The following DIDO1 variants were observed in gnomAD, a reference collection of about 807,000 sequenced individuals.
The protein encoded by DIDO1 is death inducer-obliterator 1, also known as death-inducer obliterator 1.
Under a neutral mutation model 99.4 loss-of-function variants are expected in DIDO1, and 16 were observed. The observed-to-expected ratio is 0.16, with a 90% CI of 0.11 to 0.24. The LOEUF is 0.24. Among genes scored for constraint, DIDO1 ranks in the 10% least tolerant of loss-of-function variants. The probability of loss-of-function intolerance (pLI) is 1.00; values close to 1 mark genes in which losing one functional copy is unlikely to be tolerated. For missense variants in DIDO1, 2,996 were observed against 3,014.0 expected (o/e 0.99, Z 0.14); for synonymous variants, 1,366 against 1,239.1 (o/e 1.10, Z -2.15).
At chr20:62,936,842 C>T (rs993119181) in intron 1 of DIDO1, among the ~76,000 whole-genome samples, 7 of 152,240 alleles carry the variant, frequency 4.6e-5, no homozygotes, top group Non-Finnish European at 1.0e-4. Flanking sequence ...CCAGCCTGGG[C>T]GAGAGTGAGA....
At chr20:62,882,915 CTTTTTTTTTTTTTT>C (rs10583836) in intron 15 of DIDO1, among the ~76,000 whole-genome samples, 1 of 81,358 alleles carries the variant, frequency 1.2e-5, no homozygotes, top group South Asian at 5.1e-4. Flanking sequence ...AACAAACAGC[CTTTTTTTTTTTTTT>C]TTTTTTTTTT....
At chr20:62,897,896 A>G (rs2064573791) in intron 6 of DIDO1, among the ~76,000 whole-genome samples, 1 of 152,178 alleles carries the variant, frequency 6.6e-6, no homozygotes, top group Non-Finnish European at 1.5e-5. Flanking sequence ...AGTGGAGCAG[A>G]GTGAAACGCC....
intron 1 of DIDO1, among the ~76,000 whole-genome samples, chr20:62,917,700 C>T (rs572362921): frequency 4.6e-5 from 7 of 152,236 alleles, no homozygotes; most frequent in East Asian, 1.9e-4. Context: ...TGTATGTTTG[C>T]GGGTTCCGAA....
chr20:62,903,713 C>T (rs1026900517), intron 6 of DIDO1, among the ~76,000 whole-genome samples: 20 of 152,206 alleles, frequency 1.3e-4, no homozygotes, highest in Admixed American at 8.5e-4. Flanking sequence ...AAAAGTGTGT[C>T]GTCCCCATTC....
upstream of DIDO1, among the ~76,000 whole-genome samples, chr20:62,929,620 G>C (rs1248302705): frequency 6.8e-6 from 1 of 147,482 alleles, no homozygotes. Context: ...CTTGGGGCAG[G>C]AAAAAGGAAT....
chr20:62,916,221 A>G (rs2065035242), intron 1 of DIDO1, among the ~76,000 whole-genome samples: 1 of 152,262 alleles, frequency 6.6e-6, no homozygotes, highest in South Asian at 2.1e-4. Flanking sequence ...ACTTTTCCCC[A>G]GAAAGAAAAA....
At chr20:62,929,945 C>T (rs933103794), upstream of DIDO1, among the ~76,000 whole-genome samples, 3 of 151,874 alleles carry the variant, frequency 2.0e-5, no homozygotes, top group Admixed American at 6.6e-5. Context: ...AGAATACTAA[C>T]CAGATCTGCC....
In DIDO1 at chr20:62,881,585, C is replaced by A; in HGVS notation, c.4371G>T (p.Val1457=). ...CGGCCACCGGCTCGGCAGGCCTCTC[C>A]ACGGAGTTCCTTCTCACGTCGGCAC... The part of the protein sequence containing the change: ...RMCADVRRNS[V]ERPAEPVAGA... Residue 1457 remains valine, a synonymous_variant, in exon 16 of 16, where the codon GTG becomes GTT. Coordinates refer to ENST00000395343, the MANE Select transcript of DIDO1 (RefSeq NM_001193369.2). The surrounding 1 kb of genome is among the most constrained non-coding windows in gnomAD (Gnocchi z 8.3). The A allele has an allele frequency of 6.2e-7, 1 of 1,611,664 alleles. No homozygotes were observed. Among genetic ancestry groups the A allele is most frequent in the Non-Finnish European group, 8.5e-7 (1 of 1,180,014 alleles).
In DIDO1 at chr20:62,878,555, CTT is replaced by C. The variant is rs1332601381; in HGVS notation, c.*676_*677del. On this transcript the variant is annotated 3_prime_UTR_variant, in exon 16 of 16. Coordinates refer to ENST00000395343, the MANE Select transcript of DIDO1 (RefSeq NM_001193369.2). Reference sequence around the variant, plus strand: ...TGTTACTTTTTTTAGGCTGGTAAAACTTAACATTTTTCAATAAATTGTTATTT... The same window carrying C: ...TGTTACTTTTTTTAGGCTGGTAAAACAACATTTTTCAATAAATTGTTATTT... 6.6e-6 allele frequency: 1 copy of C among 152,160 alleles called. No homozygotes were observed. The highest frequency in any genetic ancestry group is 1.5e-5 in the Non-Finnish European group (1 of 68,030). The allele number at this position is 152,160 out of a possible 1,614,324, so 9.4% of individuals were successfully genotyped here. A position where few individuals can be genotyped will look rare whatever the true frequency, so the allele number is the denominator to read the frequency against.
Position 62,894,621 on chromosome 20 carries a change from A to C in DIDO1, c.2437-73T>G. On this transcript the variant is annotated intron_variant, in intron 10 of 15. Transcript: ENST00000395343. This position sits in a 1 kb window ranked among gnomAD's most constrained non-coding sequence, Gnocchi z 4.4. Reference sequence around the variant, plus strand: ...CAGCTCCAAATTAACCACACACAAGAAAAGCAGTCTCATGGGATTGAGACC... The same window carrying C: ...CAGCTCCAAATTAACCACACACAAGCAAAGCAGTCTCATGGGATTGAGACC... 1 of 1,562,892 alleles carries C rather than the reference A, an allele frequency of 6.4e-7. No homozygotes were observed. Among genetic ancestry groups the C allele is most frequent in the South Asian group, 1.2e-5 (1 of 86,884 alleles).
At chr20:62,916,314 G>A (rs765538299) in intron 1 of DIDO1, among the ~76,000 whole-genome samples, 12 of 151,850 alleles carry the variant, frequency 7.9e-5, no homozygotes, top group Non-Finnish European at 1.5e-4. Flanking sequence ...ACATTTCTAA[G>A]CACATTTTTT....
At chr20:62,899,418 A>C (rs982023118) in intron 6 of DIDO1, among the ~76,000 whole-genome samples, 1 of 151,934 alleles carries the variant, frequency 6.6e-6, no homozygotes, top group Non-Finnish European at 1.5e-5. Context: ...AAAACCATCA[A>C]CTCCATTTCT....
chr20:62,901,546 A>T (rs1357140315), intron 6 of DIDO1, among the ~76,000 whole-genome samples: 2 of 90,586 alleles, frequency 2.2e-5, no homozygotes, highest in African/African-American at 8.9e-5. Context: ...GGGCATGTTA[A>T]AATTAGTCCA....
intron 15 of DIDO1, among the ~76,000 whole-genome samples, chr20:62,884,953 T>G (rs114270264): frequency 0.044 from 6,691 of 152,322 alleles, 288 homozygotes; most frequent in African/African-American, 0.11. Context: ...CGAGTTCATG[T>G]TCTGCTTAAC....
chr20:62,901,692 C>T (rs543491640), intron 6 of DIDO1, among the ~76,000 whole-genome samples: 5 of 152,010 alleles, frequency 3.3e-5, no homozygotes, highest in African/African-American at 7.2e-5. Flanking sequence ...TCCAGGTTTG[C>T]GGCAAATGAA....
At chr20:62,910,746 T>C (rs879907443) in intron 3 of DIDO1, 28 bp downstream of exon 3, 10 of 1,590,822 alleles carry the variant, frequency 6.3e-6, no homozygotes, top group Non-Finnish European at 8.6e-6. Flanking sequence ...AACCCTGGGA[T>C]TTCTGTGGGT....
chr20:62,905,283 T>G (rs1367668876), intron 6 of DIDO1: 13 of 1,378,682 alleles, frequency 9.4e-6, no homozygotes, highest in Non-Finnish European at 1.1e-5. Context: ...CAGGAGTGTG[T>G]GGCCTTCGAA....
upstream of DIDO1, among the ~76,000 whole-genome samples, chr20:62,929,758 GTT>G (rs35776708): frequency 0.21 from 25,293 of 123,336 alleles, 2,905 homozygotes; most frequent in East Asian, 0.3. Flanking sequence ...CCACTGTTTT[GTT>G]TTTTTTTTTT....
Position 62,880,754 on chromosome 20 carries a change from G to A in DIDO1, c.5202C>T (p.Ala1734=). The change falls in exon 16 of 16, where the codon GCC becomes GCT. Residue 1734 remains alanine, a synonymous_variant. Transcript: ENST00000395343. Reference sequence around the variant, plus strand: ...CTTTCTGTCCTGGTGGGGGGAGCGGGGCGGTGCCCTCGCCGGGTCTGGCCT... The same window carrying A: ...CTTTCTGTCCTGGTGGGGGGAGCGGAGCGGTGCCCTCGCCGGGTCTGGCCT... ...EPQARPGEGT[A]PLPPPGQKVG... is the part of the protein sequence containing the mutation. 6.2e-7 allele frequency: 1 copy of A among 1,612,734 alleles called. No homozygotes were observed. The highest frequency in any genetic ancestry group is 8.5e-7 in the Non-Finnish European group (1 of 1,179,902).
Sources: gnomAD v4.1 joint callset for allele counts (sites outside exome capture counted in the v4.1 genomes callset) on GRCh38, gnomAD v4.1.1 for gene constraint, Gnocchi (gnomAD v3.1) non-coding constraint, MANE v1.5 for transcripts, NCBI Gene and HGNC (gene_info 2026-07-23, HGNC 2026-07-21) for gene names.